FGGY: variants seen among roughly 807,000 people sequenced by gnomAD.
FGGY encodes the protein FGGY carbohydrate kinase domain-containing protein.
Under a neutral mutation model 71.3 loss-of-function variants are expected in FGGY, and 72 were observed. The observed-to-expected ratio is 1.01, with a 90% confidence interval of 0.84 to 1.23. FGGY has a LOEUF of 1.23. FGGY is among the 50% of genes most tolerant of loss of function. FGGY has a pLI of 0.00. For synonymous variants in FGGY, 251 were observed against 250.3 expected (o/e 1.00, Z -0.02); for missense variants, 668 against 682.3 (o/e 0.98, Z 0.23).
At chr1:59,758,014 G>A in intron 15 of FGGY, 22 bp downstream of exon 15, 1 of 1,572,964 alleles carries the variant, frequency 6.4e-7, no homozygotes, top group South Asian at 1.1e-5. Context: ...TTTTTTATAT[G>A]TACAGTGCTA....
chr1:59,504,529 A>T (rs2094327675), intron 6 of FGGY, among the ~76,000 whole-genome samples: 1 of 152,186 alleles, frequency 6.6e-6, no homozygotes, highest in African/African-American at 2.4e-5. Context: ...CTACAGAATT[A>T]AGTGCTTGCT....
chr1:59,427,349 C>T (rs980532068), intron 5 of FGGY, among the ~76,000 whole-genome samples: 1 of 152,282 alleles, frequency 6.6e-6, no homozygotes, highest in East Asian at 1.9e-4. Context: ...AACAGATGGC[C>T]TCAGGTGGTG....
At chr1:59,378,629 A>G in intron 4 of FGGY, 120 bp from the exon 5 acceptor site, 1 of 770,538 alleles carries the variant, frequency 1.3e-6, no homozygotes, top group East Asian at 2.7e-5. Context: ...AAGCTCCTGA[A>G]CAGATGTTTC....
chr1:59,540,905 T>G (rs1233309137), intron 7 of FGGY, among the ~76,000 whole-genome samples: 1 of 152,226 alleles, frequency 6.6e-6, no homozygotes, highest in Non-Finnish European at 1.5e-5. Context: ...CCTGCCTGTA[T>G]TAGGTGCTTC....
intron 7 of FGGY, among the ~76,000 whole-genome samples, chr1:59,516,802 C>T (rs1211634734): frequency 1.3e-5 from 2 of 152,166 alleles, no homozygotes; most frequent in East Asian, 3.9e-4. Flanking sequence ...CAAATGCTGA[C>T]CTGGCATGGC....
chr1:59,761,469 T>C (rs1488200702), intron 15 of FGGY, among the ~76,000 whole-genome samples: 1 of 152,162 alleles, frequency 6.6e-6, no homozygotes, highest in Non-Finnish European at 1.5e-5. Flanking sequence ...CACCCCAGAA[T>C]TGAGCAAGAC....
At chr1:59,574,699 A>C (rs903819541) in intron 8 of FGGY, among the ~76,000 whole-genome samples, 1 of 152,162 alleles carries the variant, frequency 6.6e-6, no homozygotes, top group Non-Finnish European at 1.5e-5. Flanking sequence ...GTGATTTTTC[A>C]TTGCTTTTAT....
chr1:59,620,545 ATTTTGTT>A (rs1480497857), intron 9 of FGGY, among the ~76,000 whole-genome samples: 1 of 151,820 alleles, frequency 6.6e-6, no homozygotes, highest in Non-Finnish European at 1.5e-5. Flanking sequence ...TACATCTTTC[ATTTTGTT>A]TTTTGTTTTC....
chr1:59,622,335 C>A (rs1223125508), intron 9 of FGGY, among the ~76,000 whole-genome samples: 1 of 152,064 alleles, frequency 6.6e-6, no homozygotes, highest in African/African-American at 2.4e-5. Context: ...GTATGGATTA[C>A]ATTTTCCTGT....
chr1:59,363,063 C>T (rs771479248), intron 4 of FGGY, among the ~76,000 whole-genome samples: 4 of 152,138 alleles, frequency 2.6e-5, no homozygotes, highest in Non-Finnish European at 4.4e-5. Context: ...CAGACCCACA[C>T]GTAATTTGAG....
chr1:59,671,559 G>A (rs1014664446), intron 13 of FGGY, among the ~76,000 whole-genome samples: 3 of 152,162 alleles, frequency 2.0e-5, no homozygotes, highest in Non-Finnish European at 4.4e-5. Context: ...AGGTGGGATT[G>A]GTCTTAGAGG....
chr1:59,636,308 A>G (rs2096958655), intron 10 of FGGY, among the ~76,000 whole-genome samples: 1 of 152,152 alleles, frequency 6.6e-6, no homozygotes, highest in African/African-American at 2.4e-5. Context: ...GAATATTTAC[A>G]TACAATTTTT....
rs986771830 is a variant in FGGY at position 59,501,969 on chromosome 1, C to T, written c.671-10342C>T. 2.0e-5 allele frequency among the ~76,000 whole-genome samples: 3 copies of T among 152,354 alleles called. 1 individual carries two copies. The highest frequency in any genetic ancestry group is 6.8e-3 in the Middle Eastern group (2 of 294). On this transcript the variant is annotated intron_variant, in intron 6 of 15. Coordinates refer to ENST00000303721, the MANE Select transcript of FGGY (RefSeq NM_018291.5). ...GGAGTCATAATAACCATAATTTTAT[C>T]TGACTTTTGTCTAGCATTTGTCATG... is the stretch of plus-strand genomic sequence containing the variant.
At chr1:59,336,478 A>AG (rs2049532744) in intron 2 of FGGY, among the ~76,000 whole-genome samples, 1 of 29,594 alleles carries the variant, frequency 3.4e-5, no homozygotes, top group South Asian at 2.2e-3. Context: ...AAAACCTGCT[A>AG]GTTTTTTTTT....
At chr1:59,732,584 C>G (rs778926469) in intron 14 of FGGY, among the ~76,000 whole-genome samples, 1 of 151,840 alleles carries the variant, frequency 6.6e-6, no homozygotes, top group Non-Finnish European at 1.5e-5. Flanking sequence ...GGGTGGAGTT[C>G]TTATCACTCT....
chr1:59,654,009 C>T (rs967695263), intron 11 of FGGY, among the ~76,000 whole-genome samples: 1 of 152,184 alleles, frequency 6.6e-6, no homozygotes, highest in Non-Finnish European at 1.5e-5. Flanking sequence ...TTAAATAATT[C>T]TATCTGCCCA....
At chr1:59,462,292 TATACAAAAGTTA>T (rs1186355369) in intron 6 of FGGY, among the ~76,000 whole-genome samples, 3 of 152,194 alleles carry the variant, frequency 2.0e-5, no homozygotes, top group Non-Finnish European at 4.4e-5. Flanking sequence ...CCTTACACCT[TATACAAAAGTTA>T]ATTCAAGGTG....
intron 9 of FGGY, among the ~76,000 whole-genome samples, chr1:59,614,733 T>C (rs2096731964): frequency 6.6e-6 from 1 of 152,184 alleles, no homozygotes; most frequent in Non-Finnish European, 1.5e-5. Flanking sequence ...ATGACATGAT[T>C]GTATATCTAG....
intron 5 of FGGY, among the ~76,000 whole-genome samples, chr1:59,415,539 GTGTA>G (rs1333532432): frequency 5.3e-5 from 8 of 152,210 alleles, no homozygotes; most frequent in Non-Finnish European, 1.0e-4. Flanking sequence ...TAGAGTGAAC[GTGTA>G]TGTCATTTCT....
Sources: allele counts gnomAD v4.1 joint callset (sites outside exome capture counted in the v4.1 genomes callset), GRCh38; gene constraint gnomAD v4.1.1; transcripts MANE v1.5; gene names NCBI Gene and HGNC (gene_info 2026-07-23, HGNC 2026-07-21).